Variants in ZNF76 observed in about 807,000 individuals in gnomAD.
ZNF76 encodes the protein zinc finger protein 76, also known as zinc finger protein 523.
ZNF76 carries 66 observed loss-of-function variants against 66.9 expected under a neutral mutation model. The ratio of observed to expected loss-of-function variants is 0.99; its 90% CI spans 0.81 to 1.21. The LOEUF (loss-of-function observed/expected upper bound fraction) is 1.21, where lower values mean the gene tolerates loss of function less well. ZNF76 is among the 50% of genes most tolerant of loss of function. The pLI, the probability that ZNF76 is intolerant of heterozygous loss-of-function variation, is 0.00. For synonymous variants in ZNF76, 275 were observed against 296.1 expected (o/e 0.93, Z 0.73); for missense variants, 729 against 760.3 (o/e 0.96, Z 0.48).
chr6:35,272,511 G>GTGTA (rs1554188665), intron 1 of ZNF76, among the ~76,000 whole-genome samples: 2 of 123,934 alleles, frequency 1.6e-5, no homozygotes, highest in African/African-American at 5.8e-5. Context: ...GTGTGTGTGT[G>GTGTA]TATGTATATG....
At chr6:35,264,299 G>A (rs888456337) in intron 1 of ZNF76, among the ~76,000 whole-genome samples, 2 of 152,180 alleles carry the variant, frequency 1.3e-5, no homozygotes, top group Non-Finnish European at 2.9e-5. Flanking sequence ...TTGCTCGGGT[G>A]GGGGAATGGG....
intron 12 of ZNF76, 61 bp downstream of exon 12, chr6:35,293,976 A>T: frequency 6.3e-7 from 1 of 1,585,002 alleles, no homozygotes; most frequent in African/African-American, 1.3e-5. Context: ...TGGGGCGGGC[A>T]TTAAAGTGCA....
At position 35,295,521 on chromosome 6, in the gene ZNF76, G is replaced by T; in HGVS notation, c.*273G>T. On this transcript the variant is annotated 3_prime_UTR_variant, in exon 14 of 14. Transcript: ENST00000373953. The stretch of plus-strand genomic sequence containing the variant: ...ACCCGCCTCTCAAAATCAGCTGGGC[G>T]CCCACTCTCCTCCTAAAGAACACCC... 2.2e-6 allele frequency: 1 copy of T among 458,206 alleles called. No homozygotes were observed. Among genetic ancestry groups the T allele is most frequent in the Non-Finnish European group, 4.1e-6 (1 of 245,418 alleles). 28.4% of individuals were successfully genotyped at this position (458,206 alleles called of 1,614,324 possible). A position where few individuals can be genotyped will look rare whatever the true frequency, so the allele number is the denominator to read the frequency against.
chr6:35,281,262 C>G lies in ZNF76; in HGVS notation c.73+38C>G, dbSNP rs1172478194. On this transcript the variant is annotated intron_variant, in intron 2 of 13. Transcript: ENST00000373953. ...GGGGACCTCAGGATCCTGCCCTGTC[C>G]CTCAGCCTCTGGAAAGGAGTGTCCA... The G allele has an allele frequency of 1.9e-6, 3 of 1,595,244 alleles. No homozygotes were observed. The African/African-American group carries it at 4.0e-5, about 21-fold the overall frequency.
intron 1 of ZNF76, among the ~76,000 whole-genome samples, chr6:35,264,414 T>G (rs1785698399): frequency 6.6e-6 from 1 of 152,224 alleles, no homozygotes; most frequent in African/African-American, 2.4e-5. Context: ...TATATAAATC[T>G]GTTCTCAAGA....
intron 1 of ZNF76, among the ~76,000 whole-genome samples, chr6:35,272,664 G>T (rs2150348499): frequency 6.6e-6 from 1 of 152,276 alleles, no homozygotes; most frequent in East Asian, 1.9e-4. Flanking sequence ...TTTGAGACAG[G>T]GTCTTGCTTT....
Position 35,294,356 on chromosome 6 carries a change from T to C in ZNF76, c.1495-100T>C, listed in dbSNP as rs1562137597. On this transcript the variant is annotated intron_variant, in intron 12 of 13. Transcript: ENST00000373953. ...CCATACGGTTTTATCCATTCTCTTC[T>C]GGGTTGTTCCCAGCACCTTAATTGG... 10 of 811,108 alleles carry C rather than the reference T, an allele frequency of 1.2e-5. No homozygotes were observed. In the South Asian group the frequency reaches 1.5e-4, roughly 12 times the overall value. 50.2% of individuals were successfully genotyped at this position (811,108 alleles called of 1,614,324 possible).
At chr6:35,272,108 GCAA>G (rs879865909) in intron 1 of ZNF76, among the ~76,000 whole-genome samples, 2 of 151,772 alleles carry the variant, frequency 1.3e-5, no homozygotes, top group Non-Finnish European at 2.9e-5. Flanking sequence ...CTTTCTCAAA[GCAA>G]CAACAACAAC....
chr6:35,286,837 A>G (rs1329804808), intron 4 of ZNF76: 3 of 233,912 alleles, frequency 1.3e-5, no homozygotes, highest in East Asian at 1.0e-4. Flanking sequence ...TGTGCAGTAT[A>G]CAAGACAGAA....
At chr6:35,264,780 C>T (rs1785755130) in intron 1 of ZNF76, among the ~76,000 whole-genome samples, 1 of 152,094 alleles carries the variant, frequency 6.6e-6, no homozygotes, top group Non-Finnish European at 1.5e-5. Context: ...AAAATTAGCA[C>T]CCTGCAGAAT....
chr6:35,295,599 G>A lies in ZNF76; in HGVS notation c.*351G>A, dbSNP rs1267181122. 1 of 353,838 alleles carries A rather than the reference G, an allele frequency of 2.8e-6. No individual in the cohort carries two copies. Among genetic ancestry groups the A allele is most frequent in the Non-Finnish European group, 5.6e-6 (1 of 178,872 alleles). The allele number at this position is 353,838 out of a possible 1,614,324, so 21.9% of individuals were successfully genotyped here. Reference sequence around the variant, plus strand: ...CAGGTAGAGATTGGGGCTGCTATGGGGACTGGCCCTGTAGGGTTGAGCCAC... The same window carrying A: ...CAGGTAGAGATTGGGGCTGCTATGGAGACTGGCCCTGTAGGGTTGAGCCAC... On this transcript the variant is annotated 3_prime_UTR_variant, in exon 14 of 14. Transcript: ENST00000373953.
intron 4 of ZNF76, chr6:35,286,835 A>G (rs1210318418): frequency 1.2e-5 from 3 of 242,348 alleles, no homozygotes; most frequent in South Asian, 1.1e-4. Context: ...GGTGTGCAGT[A>G]TACAAGACAG....
At chr6:35,270,551 A>C (rs915039663) in intron 1 of ZNF76, 1 of 152,068 alleles carries the variant, frequency 6.6e-6, no homozygotes, top group Non-Finnish European at 1.5e-5. Context: ...TTTCTTGACT[A>C]TCCTTCCACA....
intron 1 of ZNF76, among the ~76,000 whole-genome samples, 187 bp downstream of exon 1, chr6:35,260,028 C>T (rs1439211088): frequency 1.3e-4 from 19 of 149,710 alleles, no homozygotes; most frequent in Admixed American, 1.2e-3. Flanking sequence ...TTCCGCCTTG[C>T]GGCTCCTCCC....
chr6:35,267,560 T>G (rs1426749000), intron 1 of ZNF76, among the ~76,000 whole-genome samples: 1 of 152,268 alleles, frequency 6.6e-6, no homozygotes, highest in Non-Finnish European at 1.5e-5. Flanking sequence ...CAATAAGATT[T>G]CTTCCTTCAT....
chr6:35,290,603 C>G, intron 6 of ZNF76, 38 bp from the exon 7 acceptor site: 1 of 1,611,126 alleles, frequency 6.2e-7, no homozygotes, highest in Non-Finnish European at 8.5e-7. Flanking sequence ...TGGTCATACC[C>G]TTGCTCCTCT....
chr6:35,283,258 CAT>C (rs1478659118), intron 2 of ZNF76, among the ~76,000 whole-genome samples: 2 of 152,204 alleles, frequency 1.3e-5, no homozygotes, highest in African/African-American at 4.8e-5. Context: ...TACACACACA[CAT>C]ATGCAAACAC....
Position 35,268,784 on chromosome 6 carries a change from A to G in ZNF76, c.-97+8943A>G, listed in dbSNP as rs558770241. Among the ~76,000 whole-genome samples, 671 of 147,714 alleles carry G rather than the reference A, an allele frequency of 4.5e-3. 3 individuals carry two copies. Among genetic ancestry groups the G allele is most frequent in the African/African-American group, 0.014 (528 of 39,050 alleles). On this transcript the variant is annotated intron_variant, in intron 1 of 13. Coordinates refer to ENST00000373953, the MANE Select transcript of ZNF76 (RefSeq NM_003427.5). ...CAAGACTTCATCTCAAAAAGAGAGA[A>G]AAAAAAAAAAAAAACCACCTGCAAT...
chr6:35,293,096 C>A, intron 11 of ZNF76, 52 bp downstream of exon 11: 13 of 1,568,030 alleles, frequency 8.3e-6, no homozygotes, highest in Non-Finnish European at 1.0e-5. Flanking sequence ...TCTCCACTCT[C>A]TCTGGGGACT....
Sources: gnomAD v4.1 joint callset for allele counts (sites outside exome capture counted in the v4.1 genomes callset) on GRCh38, gnomAD v4.1.1 for gene constraint, MANE v1.5 for transcripts, NCBI Gene and HGNC (gene_info 2026-07-23, HGNC 2026-07-21) for gene names.